The following CCDC85A variants were observed in gnomAD, a reference collection of about 807,000 sequenced individuals.
CCDC85A encodes coiled-coil domain containing 85A.
A neutral mutation model predicts 50.2 loss-of-function variants in CCDC85A; 38 were observed. The observed-to-expected ratio is 0.76, with a 90% CI of 0.58 to 0.99. The LOEUF (loss-of-function observed/expected upper bound fraction) is 0.99, where lower values mean the gene tolerates loss of function less well. Among genes scored for constraint, CCDC85A ranks in the 50% least tolerant of loss-of-function variants. The probability of loss-of-function intolerance (pLI) is 0.00; values close to 1 mark genes in which losing one functional copy is unlikely to be tolerated. For synonymous variants in CCDC85A, 366 were observed against 301.4 expected (o/e 1.21, Z -2.22); for missense variants, 820 against 742.0 (o/e 1.11, Z -1.22).
intron 1 of CCDC85A, 132 bp downstream of exon 1, chr2:56,185,032 AC>A (rs1558571742): frequency 3.6e-6 from 4 of 1,117,530 alleles, no homozygotes; most frequent in Non-Finnish European, 3.6e-6. Context: ...GGCACCCCCT[AC>A]CCCCAGTCCC....
chr2:56,351,422 G>A (rs1249959517), intron 3 of CCDC85A, among the ~76,000 whole-genome samples: 8 of 145,964 alleles, frequency 5.5e-5, no homozygotes, highest in Non-Finnish European at 9.0e-5. Context: ...CTGAGGAATC[G>A]CCACACTGAC....
intron 2 of CCDC85A, among the ~76,000 whole-genome samples, chr2:56,279,256 A>T (rs1223247947): frequency 2.6e-5 from 4 of 152,206 alleles, no homozygotes; most frequent in Non-Finnish European, 4.4e-5. Flanking sequence ...TTTAAAAAAA[A>T]TTTTATGGAG....
chr2:56,334,331 A>C (rs1337266117), intron 2 of CCDC85A, among the ~76,000 whole-genome samples: 1 of 152,194 alleles, frequency 6.6e-6, no homozygotes, highest in East Asian at 1.9e-4. Flanking sequence ...GAAGTGTTGT[A>C]ATATTAAAGT....
intron 2 of CCDC85A, among the ~76,000 whole-genome samples, chr2:56,293,514 A>G (rs6545564): frequency 0.27 from 41,199 of 152,044 alleles, 5,889 homozygotes; most frequent in East Asian, 0.46. Flanking sequence ...TGCACAGCGA[A>G]AGAAACTATC....
At chr2:56,214,588 G>C (rs762204057) in intron 2 of CCDC85A, among the ~76,000 whole-genome samples, 16 of 151,744 alleles carry the variant, frequency 1.1e-4, no homozygotes, top group Non-Finnish European at 1.8e-4. Flanking sequence ...TTTTTTGGAG[G>C]GGGGAGCGGT....
rs184949628 is a variant in CCDC85A, at chr2:56,369,040, A to G, written c.1318-3304A>G. Among the ~76,000 whole-genome samples, 257 of 152,240 alleles carry G rather than the reference A, an allele frequency of 1.7e-3. 1 individual carries two copies. The Middle Eastern group carries it at 0.02, about 12-fold the overall frequency. On this transcript the variant is annotated intron_variant, in intron 3 of 5. Transcript: ENST00000407595. ...ATTTTCCCTACTGCAGAGATCACAC[A>G]TCAAATTCTGAGTGATCATCGTTTT...
intron 2 of CCDC85A, among the ~76,000 whole-genome samples, chr2:56,329,851 T>G (rs750799527): frequency 1.3e-5 from 2 of 151,152 alleles, no homozygotes; most frequent in Non-Finnish European, 2.9e-5. Flanking sequence ...TAAAAGCATT[T>G]AAATATGCAT....
intron 2 of CCDC85A, among the ~76,000 whole-genome samples, chr2:56,323,497 CAG>C (rs1292664456): frequency 6.6e-6 from 1 of 151,960 alleles, no homozygotes; most frequent in Non-Finnish European, 1.5e-5. Flanking sequence ...AAGATAATGA[CAG>C]AAAGTTTCTG....
intron 2 of CCDC85A, among the ~76,000 whole-genome samples, chr2:56,273,826 T>G (rs902412617): frequency 3.3e-5 from 5 of 151,996 alleles, no homozygotes; most frequent in African/African-American, 1.2e-4. Flanking sequence ...AAATGGAGTT[T>G]ATAGAATATC....
At chr2:56,274,123 G>A (rs1053668925) in intron 2 of CCDC85A, among the ~76,000 whole-genome samples, 2 of 152,130 alleles carry the variant, frequency 1.3e-5, no homozygotes, top group African/African-American at 4.8e-5. Flanking sequence ...CCCAACCCTT[G>A]TAGATCATTC....
intron 2 of CCDC85A, among the ~76,000 whole-genome samples, chr2:56,249,657 C>T (rs1669667908): frequency 1.3e-5 from 2 of 152,194 alleles, no homozygotes; most frequent in African/African-American, 4.8e-5. Context: ...TGAGCCTTCA[C>T]GAAGTAGCTT....
intron 2 of CCDC85A, among the ~76,000 whole-genome samples, chr2:56,314,022 CA>C (rs1353136768): frequency 4.0e-5 from 6 of 149,768 alleles, no homozygotes; most frequent in Non-Finnish European, 8.9e-5. Context: ...GCCATGTTGT[CA>C]GGGGGATTCT....
At position 56,372,399 on chromosome 2, in the gene CCDC85A, G is replaced by A. The variant is rs374131041; in HGVS notation, c.1373G>A (p.Gly458Asp). ...AGAAACAGCTCAAATATGGAGAAAG[G>A]CTGGGGGTCCAGAGCCCGGCGGGTC... The part of the protein sequence containing the change: ...PTRNSSNMEK[G>D]WGSRARRVLQ... Residue 458 changes from glycine to aspartate, a missense_variant, in exon 4 of 6, where the codon GGC becomes GAC. Transcript: ENST00000407595. 2 of 1,602,990 alleles carry A rather than the reference G, an allele frequency of 1.2e-6. No homozygotes were observed. The highest frequency in any genetic ancestry group is 1.7e-6 in the Non-Finnish European group (2 of 1,174,604).
At chr2:56,289,467 G>A (rs1279601972) in intron 2 of CCDC85A, among the ~76,000 whole-genome samples, 1 of 152,102 alleles carries the variant, frequency 6.6e-6, no homozygotes, top group Non-Finnish European at 1.5e-5. Flanking sequence ...GATTTCATTG[G>A]GCAAAGGGGG....
intron 2 of CCDC85A, among the ~76,000 whole-genome samples, chr2:56,283,892 A>T (rs544384649): frequency 1.3e-5 from 2 of 152,044 alleles, no homozygotes; most frequent in African/African-American, 4.8e-5. Flanking sequence ...TGTATTACCT[A>T]TATCATTTTC....
At chr2:56,346,110 A>G (rs1013200227) in intron 3 of CCDC85A, among the ~76,000 whole-genome samples, 1 of 152,212 alleles carries the variant, frequency 6.6e-6, no homozygotes, top group Admixed American at 6.5e-5. Context: ...AATTATGTAA[A>G]GCACTGTCCT....
At chr2:56,365,630 A>T (rs550291373) in intron 3 of CCDC85A, among the ~76,000 whole-genome samples, 2 of 152,194 alleles carry the variant, frequency 1.3e-5, no homozygotes, top group Non-Finnish European at 2.9e-5. Flanking sequence ...CTTTAAAAAA[A>T]CTTTTTTTAC....
At chr2:56,339,295 C>T (rs533451649) in intron 2 of CCDC85A, among the ~76,000 whole-genome samples, 1 of 152,214 alleles carries the variant, frequency 6.6e-6, no homozygotes, top group Admixed American at 6.5e-5. Flanking sequence ...CCTGTCCCAG[C>T]CCATATTTGC....
chr2:56,335,118 A>G (rs1339755922), intron 2 of CCDC85A, among the ~76,000 whole-genome samples: 1 of 152,230 alleles, frequency 6.6e-6, no homozygotes, highest in African/African-American at 2.4e-5. Context: ...TAAAATAAGA[A>G]AAGCGTCAAA....
Sources: allele counts gnomAD v4.1 joint callset (sites outside exome capture counted in the v4.1 genomes callset), GRCh38; gene constraint gnomAD v4.1.1; transcripts MANE v1.5; gene names NCBI Gene and HGNC (gene_info 2026-07-23, HGNC 2026-07-21).